Variants in DPP6 observed in about 807,000 individuals in gnomAD.
DPP6 encodes A-type potassium channel modulatory protein DPP6.
In DPP6, 69 loss-of-function variants were observed where a neutral mutation model predicts 122.6. The ratio of observed to expected loss-of-function variants is 0.56; its 90% CI spans 0.46 to 0.69. The LOEUF is 0.69. DPP6 is among the 30% of genes least tolerant of loss of function. The probability of loss-of-function intolerance (pLI) is 0.00; values close to 1 mark genes in which losing one functional copy is unlikely to be tolerated. For missense variants in DPP6, 928 were observed against 1,116.9 expected (o/e 0.83, Z 2.41); for synonymous variants, 418 against 433.1 (o/e 0.97, Z 0.43).
rs543654351 is a variant in DPP6, at chr7:154,886,677, G to T, written c.2245+933G>T. Among the ~76,000 whole-genome samples, 3 of 152,318 alleles carry T rather than the reference G, an allele frequency of 2.0e-5. No homozygotes were observed. The South Asian group carries it at 6.2e-4, about 32-fold the overall frequency. On this transcript the variant is annotated intron_variant, in intron 22 of 25. Coordinates refer to ENST00000377770, the MANE Select transcript of DPP6 (RefSeq NM_130797.4). ...GAAATGGAGGGGGCTTCCTGCTGCT[G>T]GTCCACCGCAGTCCTGCCAGAGCCT...
At chr7:154,520,867 T>C (rs191502217) in intron 3 of DPP6, among the ~76,000 whole-genome samples, 116 of 152,272 alleles carry the variant, frequency 7.6e-4, no homozygotes, top group African/African-American at 2.7e-3. Flanking sequence ...ATCAAAATTA[T>C]CAGTAACGCA....
chr7:154,850,536 A>T (rs1802288725), intron 16 of DPP6, among the ~76,000 whole-genome samples: 2 of 152,102 alleles, frequency 1.3e-5, no homozygotes, highest in South Asian at 4.1e-4. Flanking sequence ...GACTGGTATT[A>T]GTTCTTCTCT....
At chr7:154,449,558 A>G (rs1337715145) in intron 2 of DPP6, among the ~76,000 whole-genome samples, 1 of 152,230 alleles carries the variant, frequency 6.6e-6, no homozygotes, top group Non-Finnish European at 1.5e-5. Flanking sequence ...CAGAGTTACC[A>G]TATTACCTAG....
At chr7:153,782,193 C>T in the DPP6 span, among the ~76,000 whole-genome samples, 1 of 151,810 alleles carries the variant, frequency 6.6e-6, no homozygotes. Flanking sequence ...ATATCCTAAT[C>T]ACACCAAAGG....
rs1413308424 is a variant in DPP6 at position 154,515,592 on chromosome 7, C to T, written c.458-24940C>T. 2.0e-5 allele frequency among the ~76,000 whole-genome samples: 3 copies of T among 152,138 alleles called. No homozygotes were observed. In the East Asian group the frequency reaches 5.8e-4, roughly 29 times the overall value. On this transcript the variant is annotated intron_variant, in intron 3 of 25. Coordinates refer to ENST00000377770, the MANE Select transcript of DPP6 (RefSeq NM_130797.4). ...CTGGGTTCAAGCACTTCTCCTCCCT[C>T]AGCCTCCTGAGTAGCTGGGACTACA... is the stretch of plus-strand genomic sequence containing the variant.
At chr7:153,960,702 T>TGAATGTGTGTGC (rs1554419043) in intron 1 of DPP6, among the ~76,000 whole-genome samples, 4,264 of 124,902 alleles carry the variant, frequency 0.034, 206 homozygotes, top group African/African-American at 0.12. Flanking sequence ...CATGTGTGTG[T>TGAATGTGTGTGC]GAATGTGTGT....
At chr7:154,476,821 A>G (rs1470243641) in intron 3 of DPP6, among the ~76,000 whole-genome samples, 1 of 152,218 alleles carries the variant, frequency 6.6e-6, no homozygotes, top group Non-Finnish European at 1.5e-5. Flanking sequence ...GAGTGAGCAC[A>G]GTGGCTCACA....
At chr7:153,773,312 TTA>T in the DPP6 span, among the ~76,000 whole-genome samples, 148 of 85,708 alleles carry the variant, frequency 1.7e-3, 1 homozygote, top group East Asian at 0.011. Context: ...TATGTGTATT[TTA>T]TATATATATA....
the DPP6 span, among the ~76,000 whole-genome samples, chr7:153,822,442 C>T: frequency 1.4e-4 from 22 of 152,204 alleles, no homozygotes; most frequent in East Asian, 4.3e-3. Flanking sequence ...CTGCCCACCT[C>T]GGCCTCCCAC....
At chr7:153,824,882 A>G in the DPP6 span, among the ~76,000 whole-genome samples, 1 of 152,000 alleles carries the variant, frequency 6.6e-6, no homozygotes, top group African/African-American at 2.4e-5. Context: ...TCTAAGGACT[A>G]GTATCTACAC....
At chr7:153,987,829 C>T (rs1366690434) in intron 1 of DPP6, among the ~76,000 whole-genome samples, 1 of 152,146 alleles carries the variant, frequency 6.6e-6, no homozygotes, top group African/African-American at 2.4e-5. Context: ...AAATGGCATC[C>T]TCCTTCACAG....
At chr7:153,905,419 G>A (rs555391621) in intron 1 of DPP6, among the ~76,000 whole-genome samples, 1 of 152,216 alleles carries the variant, frequency 6.6e-6, no homozygotes, top group East Asian at 1.9e-4. Flanking sequence ...CTCAGCAAAA[G>A]CAGATTGAGA....
intron 1 of DPP6, among the ~76,000 whole-genome samples, chr7:154,343,959 G>T (rs891528574): frequency 6.6e-5 from 10 of 152,072 alleles, no homozygotes; most frequent in Non-Finnish European, 1.5e-4. Flanking sequence ...CAAGTGATCC[G>T]CCAGCCTCAG....
At chr7:154,093,364 C>T (rs1805022417) in intron 1 of DPP6, among the ~76,000 whole-genome samples, 2 of 146,772 alleles carry the variant, frequency 1.4e-5, no homozygotes, top group Admixed American at 6.9e-5. Flanking sequence ...ATGCATGACA[C>T]ATAGCACATA....
At chr7:154,339,964 T>G (rs1809780723) in intron 1 of DPP6, among the ~76,000 whole-genome samples, 2 of 152,104 alleles carry the variant, frequency 1.3e-5, no homozygotes, top group East Asian at 1.9e-4. Flanking sequence ...TTCCAGCTAC[T>G]CGGGAGGCTG....
At chr7:154,784,685 G>A (rs995078618) in intron 10 of DPP6, among the ~76,000 whole-genome samples, 2 of 152,108 alleles carry the variant, frequency 1.3e-5, no homozygotes, top group African/African-American at 2.4e-5. Flanking sequence ...GTCACAATCA[G>A]GCAGGGGTGA....
intron 7 of DPP6, among the ~76,000 whole-genome samples, chr7:154,677,391 G>GT (rs5888586): frequency 4.6e-5 from 7 of 151,796 alleles, no homozygotes; most frequent in East Asian, 1.9e-4. Flanking sequence ...GAGTTGAGGG[G>GT]TTTTTTTTGC....
At chr7:154,514,129 A>G (rs949991520) in intron 3 of DPP6, among the ~76,000 whole-genome samples, 13 of 152,098 alleles carry the variant, frequency 8.5e-5, no homozygotes, top group African/African-American at 3.1e-4. Context: ...CAAAACAATT[A>G]GGCAGGCATG....
At chr7:154,472,638 C>T (rs1253881744) in intron 2 of DPP6, among the ~76,000 whole-genome samples, 2 of 152,176 alleles carry the variant, frequency 1.3e-5, no homozygotes, top group African/African-American at 4.8e-5. Flanking sequence ...TGGAATGTGG[C>T]AGTCTCCTGT....
Sources: gnomAD v4.1 joint callset for allele counts (sites outside exome capture counted in the v4.1 genomes callset) on GRCh38, gnomAD v4.1.1 for gene constraint, MANE v1.5 for transcripts, NCBI Gene and HGNC (gene_info 2026-07-23, HGNC 2026-07-21) for gene names.